The following DCP1A variants were observed in gnomAD, a reference collection of about 807,000 sequenced individuals.
DCP1A encodes decapping mRNA 1A, also known as mRNA-decapping enzyme 1A.
In DCP1A, 20 loss-of-function variants were observed where a neutral mutation model predicts 58.0. The observed-to-expected ratio is 0.34, with a 90% confidence interval of 0.24 to 0.50. The LOEUF is 0.50. DCP1A is among the 20% of genes least tolerant of loss of function. DCP1A has a pLI of 0.98. For synonymous variants in DCP1A, 285 were observed against 275.1 expected (o/e 1.04, Z -0.36); for missense variants, 613 against 712.2 (o/e 0.86, Z 1.59).
intron 3 of DCP1A, among the ~76,000 whole-genome samples, chr3:53,327,790 C>CA (rs199594018): frequency 0.012 from 1,502 of 128,106 alleles, 26 homozygotes; most frequent in African/African-American, 0.039. Context: ...GATTCCACCT[C>CA]AAAAAAACAA....
chr3:53,338,717 C>T (rs78177413), intron 3 of DCP1A, among the ~76,000 whole-genome samples: 24,870 of 151,386 alleles, frequency 0.16, 2,515 homozygotes, highest in Middle Eastern at 0.28. Context: ...AAAAATTAGC[C>T]GGGCGTGGTG....
At chr3:53,329,594 A>G (rs2106872640) in intron 3 of DCP1A, 1 of 383,500 alleles carries the variant, frequency 2.6e-6, no homozygotes, top group African/African-American at 2.1e-5. Context: ...AAAATTTCAG[A>G]TCAGATTTTA....
chr3:53,322,412 C>A (rs1001598940), intron 3 of DCP1A, among the ~76,000 whole-genome samples: 5 of 151,306 alleles, frequency 3.3e-5, no homozygotes, highest in African/African-American at 1.2e-4. Flanking sequence ...GATCACGCCA[C>A]TGCACTCCAG....
chr3:53,292,832 AAAACAAATG>A lies in DCP1A; in HGVS notation c.625-14_625-6del. ...CTTGTGTCCAGATGGAGCAGACTGA[AAAACAAATG>A]AAACCACCCAGTCAAAGAGGTCTGT... On this transcript the variant is annotated splice_region_variant and splice_polypyrimidine_tract_variant and intron_variant, in intron 6 of 9. Transcript: ENST00000610213. The A allele has an allele frequency of 1.3e-6, 2 of 1,595,064 alleles. No individual in the cohort carries two copies. The highest frequency in any genetic ancestry group is 2.2e-5 in the South Asian group (2 of 90,326).
At chr3:53,334,182 C>G (rs573016459) in intron 3 of DCP1A, among the ~76,000 whole-genome samples, 110 of 152,222 alleles carry the variant, frequency 7.2e-4, no homozygotes, top group African/African-American at 2.4e-3. Flanking sequence ...AAGGATCACT[C>G]AAGCCTCAGA....
Position 53,284,935 on chromosome 3 carries a change from A to T in DCP1A, c.*2645T>A, listed in dbSNP as rs1326110243. On this transcript the variant is annotated 3_prime_UTR_variant, in exon 10 of 10. Transcript: ENST00000610213. The stretch of plus-strand genomic sequence containing the variant: ...TCACACCTCATGAATCCCAGGAGGT[A>T]CACAATGAAGAAGAGCTTCTGCCTT... The T allele has an allele frequency of 3.3e-5, 5 of 152,310 alleles. No individual in the cohort carries two copies. The highest frequency in any genetic ancestry group is 1.2e-4 in the African/African-American group (5 of 41,556). 9.4% of individuals were successfully genotyped at this position (152,310 alleles called of 1,614,324 possible). A position where few individuals can be genotyped will look rare whatever the true frequency, so the allele number is the denominator to read the frequency against.
At chr3:53,308,245 G>C (rs1294055293) in intron 5 of DCP1A, among the ~76,000 whole-genome samples, 1 of 152,010 alleles carries the variant, frequency 6.6e-6, no homozygotes, top group African/African-American at 2.4e-5. Context: ...AGTTTATACT[G>C]CTTACATAAT....
At chr3:53,346,560 A>G (rs1447624375) in intron 1 of DCP1A, among the ~76,000 whole-genome samples, 1 of 152,188 alleles carries the variant, frequency 6.6e-6, no homozygotes, top group African/African-American at 2.4e-5. Context: ...CAATTACAAG[A>G]AAGTGGGAAA....
At chr3:53,294,256 T>C (rs992519515) in intron 6 of DCP1A, among the ~76,000 whole-genome samples, 22 of 152,050 alleles carry the variant, frequency 1.4e-4, no homozygotes, top group Admixed American at 1.2e-3. Flanking sequence ...GGACAAATTG[T>C]AGGGGTGAGA....
rs1553686251 is a variant in DCP1A at position 53,292,554 on chromosome 3, T to A, written c.898A>T (p.Thr300Ser). The change falls in exon 7 of 10, where the codon ACA becomes TCA. Residue 300 changes from threonine (T) to serine (S), a missense_variant. By Grantham distance (58) the Thr-to-Ser change is moderately conservative. Coordinates refer to ENST00000610213, the MANE Select transcript of DCP1A (RefSeq NM_018403.7). ...GGAGCATGCTTTTCATTGGACTGTG[T>A]GATGGAGGCTGGAGTGATTAGCACC... ...TPVLITPASI[T>S]QSNEKHAPTY... 6.2e-7 allele frequency: 1 copy of A among 1,613,898 alleles called. No homozygotes were observed. Among genetic ancestry groups the A allele is most frequent in the Non-Finnish European group, 8.5e-7 (1 of 1,179,892 alleles).
chr3:53,312,499 T>A, intron 4 of DCP1A, 120 bp from the exon 5 acceptor site: 6 of 856,676 alleles, frequency 7.0e-6, no homozygotes, highest in Middle Eastern at 2.5e-4. Flanking sequence ...ATTCTTCTTT[T>A]TTTTTTTTTT....
chr3:53,310,722 T>C (rs1403413254), intron 5 of DCP1A, among the ~76,000 whole-genome samples: 1 of 152,206 alleles, frequency 6.6e-6, no homozygotes, highest in East Asian at 1.9e-4. Context: ...AAATTTAACT[T>C]CCATAGATCC....
At chr3:53,331,260 C>A (rs1274415318) in intron 3 of DCP1A, among the ~76,000 whole-genome samples, 1 of 152,112 alleles carries the variant, frequency 6.6e-6, no homozygotes, top group Non-Finnish European at 1.5e-5. Context: ...TTAATACTTT[C>A]AATTAACCAG....
chr3:53,306,566 T>C (rs1176293586), intron 5 of DCP1A, among the ~76,000 whole-genome samples: 1 of 150,480 alleles, frequency 6.6e-6, no homozygotes, highest in South Asian at 2.1e-4. Context: ...AAAATAAAAA[T>C]AGAGACCATC....
At chr3:53,326,880 A>G (rs1413409072) in intron 3 of DCP1A, among the ~76,000 whole-genome samples, 1 of 152,122 alleles carries the variant, frequency 6.6e-6, no homozygotes, top group African/African-American at 2.4e-5. Flanking sequence ...CCGTCCATTG[A>G]AAAATGGTCT....
At chr3:53,304,043 T>A in intron 6 of DCP1A, 134 bp downstream of exon 6, 1 of 634,480 alleles carries the variant, frequency 1.6e-6, no homozygotes, top group Admixed American at 2.8e-5. Context: ...GATCATGACC[T>A]AGGAGGATGT....
At chr3:53,344,230 A>C (rs2089263397) in intron 2 of DCP1A, among the ~76,000 whole-genome samples, 1 of 152,162 alleles carries the variant, frequency 6.6e-6, no homozygotes, top group Non-Finnish European at 1.5e-5. Flanking sequence ...TGCCCTTGTA[A>C]GAGTTAAGAC....
intron 8 of DCP1A, 80 bp from the exon 9 acceptor site, chr3:53,288,363 G>T: frequency 1.8e-6 from 2 of 1,103,046 alleles, no homozygotes; most frequent in African/African-American, 1.6e-5. Context: ...TGTGGAAACA[G>T]GCATAAGCAG....
At chr3:53,290,404 G>A (rs1378902949) in intron 8 of DCP1A, among the ~76,000 whole-genome samples, 1 of 151,418 alleles carries the variant, frequency 6.6e-6, no homozygotes, top group African/African-American at 2.4e-5. Flanking sequence ...ACCGAGTAAG[G>A]GCCCACCGTG....
Sources: gnomAD v4.1 joint callset for allele counts (sites outside exome capture counted in the v4.1 genomes callset) on GRCh38, gnomAD v4.1.1 for gene constraint, MANE v1.5 for transcripts, NCBI Gene and HGNC (gene_info 2026-07-23, HGNC 2026-07-21) for gene names.